The following ARHGAP29 variants were observed in gnomAD, a reference collection of about 807,000 sequenced individuals.
ARHGAP29 encodes the protein rho GTPase-activating protein 29.
Under a neutral mutation model 122.6 loss-of-function variants are expected in ARHGAP29, and 43 were observed. That is an observed-to-expected ratio of 0.35 (90% CI 0.27 to 0.45). The LOEUF (loss-of-function observed/expected upper bound fraction) is 0.45, where lower values mean the gene tolerates loss of function less well. Among genes scored for constraint, ARHGAP29 ranks in the 20% least tolerant of loss-of-function variants. ARHGAP29 has a pLI of 1.00. For synonymous variants in ARHGAP29, 506 were observed against 497.1 expected, an observed-to-expected ratio of 1.02 and a Z score of -0.24; for missense variants, 1,303 against 1,477.2, an observed-to-expected ratio of 0.88 and a Z score of 1.93.
upstream of ARHGAP29, among the ~76,000 whole-genome samples, chr1:94,279,165 T>C (rs927283441): frequency 6.6e-6 from 1 of 152,210 alleles, no homozygotes; most frequent in African/African-American, 2.4e-5. Flanking sequence ...TTTTGTCCAT[T>C]AACATGGTGG....
intron 15 of ARHGAP29, among the ~76,000 whole-genome samples, chr1:94,187,805 T>C (rs1224102459): frequency 1.3e-5 from 2 of 152,180 alleles, no homozygotes; most frequent in African/African-American, 4.8e-5. Flanking sequence ...TAATTACAAA[T>C]ATTGAGCTCA....
chr1:94,309,498 G>T, the ARHGAP29 span, among the ~76,000 whole-genome samples: 4 of 152,268 alleles, frequency 2.6e-5, 1 homozygote, highest in Middle Eastern at 6.8e-3. Flanking sequence ...ACATGTCCCC[G>T]CTTTTTCTAG....
intron 5 of ARHGAP29, among the ~76,000 whole-genome samples, chr1:94,206,997 C>A (rs969037617): frequency 1.4e-5 from 2 of 143,342 alleles, no homozygotes; most frequent in Non-Finnish European, 3.0e-5. Context: ...AGAGAAGGAG[C>A]AACTTTTATT....
intron 4 of ARHGAP29, 84 bp downstream of exon 4, chr1:94,209,170 T>C (rs2274788): frequency 0.24 from 244,400 of 1,024,554 alleles, 31,147 homozygotes; most frequent in East Asian, 0.3. Context: ...ATACTTCGTT[T>C]CCCATGTATG....
chr1:94,291,958 T>C, the ARHGAP29 span, among the ~76,000 whole-genome samples: 2 of 152,202 alleles, frequency 1.3e-5, no homozygotes, highest in Non-Finnish European at 2.9e-5. Flanking sequence ...AGGAGTATCT[T>C]TGTGGTGTTC....
At chr1:94,195,187 C>G (rs556945528) in intron 12 of ARHGAP29, 1 of 152,110 alleles carries the variant, frequency 6.6e-6, no homozygotes, top group Admixed American at 6.5e-5. Context: ...TTCTACCAAA[C>G]AAAATCTCAG....
At chr1:94,286,082 C>T in the ARHGAP29 span, among the ~76,000 whole-genome samples, 1 of 152,060 alleles carries the variant, frequency 6.6e-6, no homozygotes. Context: ...TACTTCTTCA[C>T]AGTTATGAGG....
At chr1:94,174,817 G>A in intron 22 of ARHGAP29, 68 bp from the exon 23 acceptor site, 1 of 1,483,016 alleles carries the variant, frequency 6.7e-7, no homozygotes, top group Non-Finnish European at 9.1e-7. Flanking sequence ...ATGAGTTAGA[G>A]ATGAACACTC....
upstream of ARHGAP29, among the ~76,000 whole-genome samples, chr1:94,239,135 G>C (rs1201032888): frequency 1.3e-5 from 2 of 151,986 alleles, no homozygotes; most frequent in Non-Finnish European, 2.9e-5. Flanking sequence ...AAAGAAAAAT[G>C]CGCCAAGGAC....
At chr1:94,233,840 T>C (rs988041045) in intron 1 of ARHGAP29, among the ~76,000 whole-genome samples, 1 of 152,260 alleles carries the variant, frequency 6.6e-6, no homozygotes, top group Non-Finnish European at 1.5e-5. Context: ...TCCCATTTCA[T>C]TTTTAAAAAT....
chr1:94,294,323 AT>A, the ARHGAP29 span, among the ~76,000 whole-genome samples: 1 of 151,536 alleles, frequency 6.6e-6, no homozygotes, highest in Non-Finnish European at 1.5e-5. Context: ...ATATGTATAT[AT>A]TTTTTTAGAC....
chr1:94,256,400 C>T (rs151005862), intron 1 of ARHGAP29, among the ~76,000 whole-genome samples: 19 of 152,060 alleles, frequency 1.2e-4, no homozygotes, highest in African/African-American at 4.3e-4. Flanking sequence ...CCCCCAGAAC[C>T]CCTTCATAAG....
chr1:94,237,070 A>C (rs1429556643), intron 1 of ARHGAP29, among the ~76,000 whole-genome samples: 1 of 152,200 alleles, frequency 6.6e-6, no homozygotes, highest in Non-Finnish European at 1.5e-5. Flanking sequence ...AAAAGAGTTA[A>C]AATGTGCAAA....
chr1:94,282,158 G>A, the ARHGAP29 span, among the ~76,000 whole-genome samples: 1 of 151,554 alleles, frequency 6.6e-6, no homozygotes, highest in Admixed American at 6.6e-5. Context: ...TTGTAAGTCT[G>A]GACTGGAGCC....
chr1:94,292,011 TG>T, the ARHGAP29 span, among the ~76,000 whole-genome samples: 40 of 152,200 alleles, frequency 2.6e-4, no homozygotes, highest in African/African-American at 9.7e-4. Flanking sequence ...CTTGCTAGGT[TG>T]GGGAAGTTCT....
At chr1:94,221,280 T>C (rs1166436484) in intron 2 of ARHGAP29, among the ~76,000 whole-genome samples, 1 of 152,146 alleles carries the variant, frequency 6.6e-6, no homozygotes, top group Non-Finnish European at 1.5e-5. Context: ...GAAGTAATCC[T>C]CAAAAGTCTG....
chr1:94,180,022 T>C lies in ARHGAP29; in HGVS notation c.2248-65A>G. 4.6e-6 allele frequency: 5 copies of C among 1,096,604 alleles called. No individual in the cohort carries two copies. In the Middle Eastern group the frequency reaches 8.2e-4, roughly 180 times the overall value. The allele number at this position is 1,096,604 out of a possible 1,614,324, so 67.9% of individuals were successfully genotyped here. ...TTTTCTGTTAATAATCAACTATTAC[T>C]AACAGTTACAGAGTGATTTAGCATG... On this transcript the variant is annotated intron_variant, in intron 19 of 22. Coordinates refer to ENST00000260526, the MANE Select transcript of ARHGAP29 (RefSeq NM_004815.4).
chr1:94,213,105 T>TG (rs1278490356), intron 3 of ARHGAP29, among the ~76,000 whole-genome samples: 1 of 152,228 alleles, frequency 6.6e-6, no homozygotes, highest in African/African-American at 2.4e-5. Flanking sequence ...TATATTGCCT[T>TG]CCTTCCCAAG....
the ARHGAP29 span, among the ~76,000 whole-genome samples, chr1:94,287,965 G>A: frequency 4.6e-5 from 7 of 152,150 alleles, no homozygotes; most frequent in African/African-American, 7.2e-5. Flanking sequence ...ATAAACATGC[G>A]TGTACATGTG....
Sources: allele counts gnomAD v4.1 joint callset (sites outside exome capture counted in the v4.1 genomes callset), GRCh38; gene constraint gnomAD v4.1.1; transcripts MANE v1.5; gene names NCBI Gene and HGNC (gene_info 2026-07-23, HGNC 2026-07-21).